Variants in IGSF21 observed in about 807,000 individuals in gnomAD.
The protein encoded by IGSF21 is immunoglobin superfamily member 21.
In IGSF21, 28 loss-of-function variants were observed where a neutral mutation model predicts 46.8. The observed-to-expected ratio is 0.60, with a 90% confidence interval of 0.44 to 0.82. The LOEUF (loss-of-function observed/expected upper bound fraction) is 0.82, where lower values mean the gene tolerates loss of function less well. Ranked by LOEUF, IGSF21 falls within the 40% of genes least tolerant of loss-of-function variation. The probability of loss-of-function intolerance (pLI) is 0.00; values close to 1 mark genes in which losing one functional copy is unlikely to be tolerated. For missense variants in IGSF21, 624 were observed against 665.5 expected (o/e 0.94, Z 0.69); for synonymous variants, 284 against 273.6 (o/e 1.04, Z -0.38).
chr1:18,297,845 C>T (rs753849703), intron 3 of IGSF21, among the ~76,000 whole-genome samples: 3 of 151,974 alleles, frequency 2.0e-5, no homozygotes, highest in African/African-American at 4.8e-5. Flanking sequence ...TTTTGGTCCA[C>T]GGTTGGTTGG....
chr1:18,141,032 C>T (rs977254011), intron 1 of IGSF21, among the ~76,000 whole-genome samples: 22 of 152,186 alleles, frequency 1.4e-4, no homozygotes, highest in East Asian at 5.8e-4. Flanking sequence ...GAGGAGAGCA[C>T]GACCAGAGTG....
At chr1:18,325,113 C>T (rs552226635) in intron 3 of IGSF21, among the ~76,000 whole-genome samples, 3 of 152,126 alleles carry the variant, frequency 2.0e-5, no homozygotes, top group Admixed American at 6.5e-5. Flanking sequence ...TTTCAGAAGC[C>T]GGAGGACAGG....
intron 3 of IGSF21, among the ~76,000 whole-genome samples, chr1:18,294,478 T>C (rs2085294475): frequency 6.6e-6 from 1 of 152,224 alleles, no homozygotes; most frequent in South Asian, 2.1e-4. Context: ...TCTAGCCCTG[T>C]TCTTACTACA....
chr1:18,235,454 A>G, intron 2 of IGSF21, among the ~76,000 whole-genome samples: 1 of 152,220 alleles, frequency 6.6e-6, no homozygotes, highest in Non-Finnish European at 1.5e-5. Context: ...GGTGGGATAG[A>G]AAGAGATTGT....
intron 9 of IGSF21, 128 bp downstream of exon 9, chr1:18,377,559 C>A: frequency 1.3e-6 from 1 of 795,716 alleles, no homozygotes; most frequent in Middle Eastern, 3.1e-4. Flanking sequence ...CAGGTCATTG[C>A]CCTCTAGTAG....
intron 1 of IGSF21, among the ~76,000 whole-genome samples, chr1:18,126,558 C>T (rs768167048): frequency 2.0e-5 from 3 of 152,134 alleles, no homozygotes; most frequent in African/African-American, 4.8e-5. Flanking sequence ...ACCCGAGGCT[C>T]ACAGCTGCTG....
intron 2 of IGSF21, among the ~76,000 whole-genome samples, chr1:18,249,930 G>A (rs532160365): frequency 1.1e-4 from 16 of 152,194 alleles, no homozygotes; most frequent in South Asian, 4.2e-4. Context: ...CTCTGCTGCC[G>A]GCTCTGCCAT....
At chr1:18,332,997 C>T (rs1377094075) in intron 3 of IGSF21, among the ~76,000 whole-genome samples, 1 of 152,184 alleles carries the variant, frequency 6.6e-6, no homozygotes, top group Non-Finnish European at 1.5e-5. Flanking sequence ...GGTTATGTTG[C>T]TCTGCAAAAG....
chr1:18,317,254 A>C (rs889022100), intron 3 of IGSF21, among the ~76,000 whole-genome samples: 8 of 152,194 alleles, frequency 5.3e-5, no homozygotes, highest in Admixed American at 4.6e-4. Context: ...GCTAGAAAAA[A>C]ACACATTTCA....
rs115253745 is a variant in IGSF21, at chr1:18,221,495, T to C, written c.71-6403T>C. Among the ~76,000 whole-genome samples the C allele has an allele frequency of 2.4e-3, 364 of 151,258 alleles. 2 individuals carry two copies. The highest frequency in any genetic ancestry group is 8.1e-3 in the African/African-American group (335 of 41,162). On this transcript the variant is annotated intron_variant, in intron 1 of 9. Coordinates refer to ENST00000251296, the MANE Select transcript of IGSF21 (RefSeq NM_032880.5). ...CTTGGAGCTGGGAAAGGGCGGGGAG[T>C]GATGTCGGGATGTTGCCAGGAGAGT...
chr1:18,302,077 C>G (rs1410070671), intron 3 of IGSF21, among the ~76,000 whole-genome samples: 1 of 152,164 alleles, frequency 6.6e-6, no homozygotes. Flanking sequence ...CTCACTGCCT[C>G]CCCCATACCG....
At chr1:18,344,141 A>G (rs1214670788) in intron 4 of IGSF21, among the ~76,000 whole-genome samples, 2 of 152,160 alleles carry the variant, frequency 1.3e-5, no homozygotes, top group African/African-American at 4.8e-5. Context: ...CTCTGGAAAA[A>G]GAAGCAAATT....
intron 3 of IGSF21, among the ~76,000 whole-genome samples, chr1:18,301,635 C>T (rs747889811): frequency 6.6e-6 from 1 of 152,184 alleles, no homozygotes; most frequent in Non-Finnish European, 1.5e-5. Context: ...CCACTGTGCC[C>T]AGCCCCAACA....
intron 4 of IGSF21, among the ~76,000 whole-genome samples, chr1:18,352,800 G>A (rs2085971325): frequency 6.6e-6 from 1 of 152,232 alleles, no homozygotes; most frequent in Admixed American, 6.5e-5. Flanking sequence ...CAGCTGGCAG[G>A]GGAGGGGCAA....
At chr1:18,224,608 T>C (rs1436711238) in intron 1 of IGSF21, among the ~76,000 whole-genome samples, 1 of 152,208 alleles carries the variant, frequency 6.6e-6, no homozygotes, top group Admixed American at 6.5e-5. Flanking sequence ...CCCCATTGCC[T>C]ACAACGGTGC....
intron 1 of IGSF21, among the ~76,000 whole-genome samples, chr1:18,223,155 C>T (rs536266640): frequency 6.6e-6 from 1 of 152,374 alleles, no homozygotes; most frequent in East Asian, 1.9e-4. Flanking sequence ...TAGGGTCTCC[C>T]CTCTGCCCAC....
intron 5 of IGSF21, among the ~76,000 whole-genome samples, chr1:18,364,243 AC>A (rs1244270243): frequency 1.3e-5 from 2 of 152,204 alleles, no homozygotes; most frequent in African/African-American, 2.4e-5. Flanking sequence ...TAAATTACAA[AC>A]CTGCATTTAA....
At chr1:18,242,173 C>G (rs994534969) in intron 2 of IGSF21, among the ~76,000 whole-genome samples, 1 of 152,212 alleles carries the variant, frequency 6.6e-6, no homozygotes, top group African/African-American at 2.4e-5. Flanking sequence ...AGAGATGACA[C>G]AGGCAGCACG....
rs889475711 is a variant in IGSF21 at position 18,182,036 on chromosome 1, C to G, written c.71-45862C>G. ...CTGGGTGACTGCCCTATGCCAGGCA[C>G]CCCCATTTGTTAGCCTTTAAATGGG... On this transcript the variant is annotated intron_variant, in intron 1 of 9. Coordinates refer to ENST00000251296, the MANE Select transcript of IGSF21 (RefSeq NM_032880.5). Among the ~76,000 whole-genome samples, 9 of 152,278 alleles carry G rather than the reference C, an allele frequency of 5.9e-5. 1 individual carries two copies. The South Asian group carries it at 1.9e-3, about 32-fold the overall frequency.
Sources: gnomAD v4.1 joint callset for allele counts (sites outside exome capture counted in the v4.1 genomes callset) on GRCh38, gnomAD v4.1.1 for gene constraint, MANE v1.5 for transcripts, NCBI Gene and HGNC (gene_info 2026-07-23, HGNC 2026-07-21) for gene names.